Variants in TRIM67 observed in about 807,000 individuals in gnomAD.
TRIM67 encodes tripartite motif containing 67.
In TRIM67, 39 loss-of-function variants were observed where a neutral mutation model predicts 71.0. The observed-to-expected ratio is 0.55, with a 90% CI of 0.43 to 0.72. The LOEUF (loss-of-function observed/expected upper bound fraction) is 0.72. Ranked by LOEUF, TRIM67 falls within the 30% of genes least tolerant of loss-of-function variation. The pLI, the probability that TRIM67 is intolerant of heterozygous loss-of-function variation, is 0.00. For missense variants in TRIM67, 973 were observed against 1,079.2 expected, an observed-to-expected ratio of 0.90 and a Z score of 1.38; for synonymous variants, 481 against 473.9, an observed-to-expected ratio of 1.01 and a Z score of -0.19.
chr1:231,217,784 C>T lies in TRIM67; in HGVS notation c.*2344C>T, dbSNP rs1402758231. The stretch of plus-strand genomic sequence containing the variant: ...TTGGAGCACAAGTTGCCTGGGGCTA[C>T]CCTGAACCTAACCCCTTTGAGGGAG... On this transcript the variant is annotated 3_prime_UTR_variant, in exon 10 of 10. Transcript: ENST00000366653. 4.7e-6 allele frequency: 6 copies of T among 1,287,712 alleles called. No homozygotes were observed. Among genetic ancestry groups the T allele is most frequent in the Non-Finnish European group, 6.1e-6 (6 of 987,884 alleles). The allele number at this position is 1,287,712 out of a possible 1,614,324, so 79.8% of individuals were successfully genotyped here. A position where few individuals can be genotyped will look rare whatever the true frequency, so the allele number is the denominator to read the frequency against.
intron 1 of TRIM67, chr1:231,185,226 C>G (rs1439294392): frequency 2.6e-6 from 4 of 1,532,904 alleles, no homozygotes; most frequent in Non-Finnish European, 3.5e-6. Flanking sequence ...GAGCCTTTAT[C>G]TGAAAACTCC....
At chr1:231,184,366 T>TC in intron 1 of TRIM67, 1 of 152,204 alleles carries the variant, frequency 6.6e-6, no homozygotes, top group Non-Finnish European at 1.5e-5. Flanking sequence ...CAGCAGTTGA[T>TC]TCTGGCAGTG....
At chr1:231,207,267 T>C (rs1683730530) in intron 7 of TRIM67, among the ~76,000 whole-genome samples, 1 of 152,156 alleles carries the variant, frequency 6.6e-6, no homozygotes, top group Non-Finnish European at 1.5e-5. Flanking sequence ...AACTCCACGA[T>C]AGATGCAGTG....
chr1:231,212,025 T>C (rs1194104688), intron 8 of TRIM67, among the ~76,000 whole-genome samples: 2 of 152,166 alleles, frequency 1.3e-5, no homozygotes, highest in African/African-American at 4.8e-5. Context: ...ATTAAGCCGG[T>C]GGCCAAAGAG....
chr1:231,163,256 G>T lies in TRIM67; in HGVS notation c.287G>T (p.Gly96Val). Residue 96 changes from glycine to valine, a missense_variant, in exon 1 of 10, where the codon GGA becomes GTA. Physicochemically the swap from Gly to Val is moderately radical, Grantham distance 109. This residue lies in a region of TRIM67 where 795 missense variants were observed against 831.3 expected (regional missense o/e 0.96). Transcript: ENST00000366653. ...GGLGGGAGGG[G>V]DHADKLSLYS... is the part of the protein sequence containing the mutation. Reference sequence around the variant, plus strand: ...CTCGGCGGCGGTGCGGGAGGTGGCGGAGACCACGCGGACAAGCTCAGCTTG... The same window carrying T: ...CTCGGCGGCGGTGCGGGAGGTGGCGTAGACCACGCGGACAAGCTCAGCTTG... The T allele has an allele frequency of 6.6e-7, 1 of 1,512,546 alleles. No individual in the cohort carries two copies. The highest frequency in any genetic ancestry group is 8.8e-7 in the Non-Finnish European group (1 of 1,130,308). 93.7% of individuals were successfully genotyped at this position (1,512,546 alleles called of 1,614,324 possible).
intron 1 of TRIM67, among the ~76,000 whole-genome samples, chr1:231,191,669 A>G (rs138407311): frequency 3.3e-5 from 5 of 152,290 alleles, no homozygotes; most frequent in African/African-American, 9.6e-5. Context: ...AACACCCAGA[A>G]GTCATAAAAA....
intron 1 of TRIM67, among the ~76,000 whole-genome samples, chr1:231,176,912 A>AAAAAAAAAAAAAAAAAAAAC (rs1558292693): frequency 1.3e-5 from 2 of 150,050 alleles, no homozygotes; most frequent in African/African-American, 5.0e-5. Flanking sequence ...CTGGCAAAAA[A>AAAAAAAAAAAAAAAAAAAAC]AAAAAAAAAA....
intron 1 of TRIM67, among the ~76,000 whole-genome samples, chr1:231,192,911 G>A (rs911661821): frequency 2.6e-5 from 4 of 152,262 alleles, no homozygotes; most frequent in Admixed American, 6.5e-5. Flanking sequence ...CTGCGGTCAC[G>A]GGTCTCCTTC....
At chr1:231,188,680 C>T (rs766673267) in intron 1 of TRIM67, among the ~76,000 whole-genome samples, 1 of 152,214 alleles carries the variant, frequency 6.6e-6, no homozygotes, top group Admixed American at 6.5e-5. Flanking sequence ...ATTACTTCCC[C>T]TCTCGAGCCC....
In TRIM67 at chr1:231,214,804, A is replaced by G. The variant is rs191388688; in HGVS notation, c.2287-571A>G. Among the ~76,000 whole-genome samples the G allele has an allele frequency of 8.1e-3, 1,184 of 147,030 alleles. 19 individuals carry two copies. Among genetic ancestry groups the G allele is most frequent in the African/African-American group, 0.028 (1,097 of 39,830 alleles). On this transcript the variant is annotated intron_variant, in intron 9 of 9. Transcript: ENST00000366653. ...AAAAAAAAAAAAAAAAAAAAAAAAG[A>G]TAGGCTTAGGCTTGGCCTGACATGG...
chr1:231,172,847 G>T (rs1173000029), intron 1 of TRIM67, among the ~76,000 whole-genome samples: 1 of 152,182 alleles, frequency 6.6e-6, no homozygotes, highest in East Asian at 1.9e-4. Context: ...CTCCTAAAAT[G>T]AAGAGATGAG....
At chr1:231,183,855 C>T (rs1211219431) in intron 1 of TRIM67, among the ~76,000 whole-genome samples, 1 of 152,176 alleles carries the variant, frequency 6.6e-6, no homozygotes, top group Non-Finnish European at 1.5e-5. Flanking sequence ...GTAAGTGACT[C>T]ACCTAATGTC....
At chr1:231,183,604 AC>A (rs1279172063) in intron 1 of TRIM67, among the ~76,000 whole-genome samples, 1 of 151,840 alleles carries the variant, frequency 6.6e-6, no homozygotes, top group African/African-American at 2.4e-5. Flanking sequence ...ACAAAATGAG[AC>A]CCCCATCCCT....
intron 1 of TRIM67, among the ~76,000 whole-genome samples, chr1:231,195,515 G>A (rs1490437858): frequency 6.6e-6 from 1 of 152,212 alleles, no homozygotes; most frequent in African/African-American, 2.4e-5. Flanking sequence ...GGGGCTGGGA[G>A]TGGTGAGGCT....
intron 1 of TRIM67, among the ~76,000 whole-genome samples, chr1:231,188,246 G>A (rs1683138845): frequency 6.6e-6 from 1 of 152,190 alleles, no homozygotes; most frequent in African/African-American, 2.4e-5. Context: ...CCTCCCACAT[G>A]TGTCCCCTGC....
intron 1 of TRIM67, among the ~76,000 whole-genome samples, chr1:231,196,989 G>A (rs1466349527): frequency 6.6e-6 from 1 of 152,154 alleles, no homozygotes; most frequent in Non-Finnish European, 1.5e-5. Flanking sequence ...CCTGACCTGG[G>A]GTCTGGAATG....
chr1:231,194,792 C>T (rs1290551560), intron 1 of TRIM67, among the ~76,000 whole-genome samples: 1 of 152,210 alleles, frequency 6.6e-6, no homozygotes, highest in African/African-American at 2.4e-5. Context: ...AAGCCATCCT[C>T]CTGCCCCAGC....
In TRIM67 at chr1:231,218,781, G is replaced by A. The variant is rs1467648680; in HGVS notation, c.*3341G>A. The stretch of plus-strand genomic sequence containing the variant: ...ATGGCCCACCAAGTTTGAGGAGGGT[G>A]GTGCTTTCCGGATTGAGCCTGGGCA... On this transcript the variant is annotated 3_prime_UTR_variant, in exon 10 of 10. Transcript: ENST00000366653. 3 of 985,308 alleles carry A rather than the reference G, an allele frequency of 3.0e-6. No individual in the cohort carries two copies. Among genetic ancestry groups the A allele is most frequent in the Non-Finnish European group, 3.6e-6 (3 of 829,954 alleles). 61.0% of individuals were successfully genotyped at this position (985,308 alleles called of 1,614,324 possible).
chr1:231,205,725 C>CAA (rs11325333), intron 6 of TRIM67, among the ~76,000 whole-genome samples: 40 of 98,346 alleles, frequency 4.1e-4, no homozygotes, highest in African/African-American at 9.4e-4. Context: ...GACTCTGTCT[C>CAA]AAAAAAAAAA....
Sources: allele counts gnomAD v4.1 joint callset (sites outside exome capture counted in the v4.1 genomes callset), GRCh38; gene constraint gnomAD v4.1.1; regional missense constraint gnomAD v4.1.1; transcripts MANE v1.5; gene names NCBI Gene and HGNC (gene_info 2026-07-23, HGNC 2026-07-21).